The following TMEM135 variants were observed in gnomAD, a reference collection of about 807,000 sequenced individuals.
TMEM135 encodes the protein peroxisomal membrane protein 52.
In TMEM135, 30 loss-of-function variants were observed where a neutral mutation model predicts 60.3. That is an observed-to-expected ratio of 0.50 (90% CI 0.37 to 0.68). TMEM135 has a LOEUF of 0.68. Among genes scored for constraint, TMEM135 ranks in the 30% least tolerant of loss-of-function variants. TMEM135 has a pLI of 0.00. For synonymous variants in TMEM135, 190 were observed against 186.7 expected (o/e 1.02, Z -0.14); for missense variants, 468 against 548.8 (o/e 0.85, Z 1.47).
chr11:87,255,471 ACTCTT>A (rs1941507832), intron 6 of TMEM135, among the ~76,000 whole-genome samples: 2 of 151,976 alleles, frequency 1.3e-5, no homozygotes, highest in Non-Finnish European at 2.9e-5. Flanking sequence ...GCCACAGGTG[ACTCTT>A]AAAGTATCTG....
rs541545232 is a variant in TMEM135, at chr11:87,162,597, C to T, written c.462+5191C>T. 2.0e-5 allele frequency among the ~76,000 whole-genome samples: 3 copies of T among 152,298 alleles called. No homozygotes were observed. In the East Asian group the frequency reaches 5.8e-4, roughly 29 times the overall value. On this transcript the variant is annotated intron_variant, in intron 5 of 14. Transcript: ENST00000305494. ...AGTATTCCATGGTGTGTATGTGCCA[C>T]ATTTTCTTTATCCAGTCTATCACTT...
At chr11:87,247,760 C>T (rs978839638) in intron 6 of TMEM135, among the ~76,000 whole-genome samples, 2 of 152,166 alleles carry the variant, frequency 1.3e-5, no homozygotes, top group African/African-American at 2.4e-5. Flanking sequence ...CCGTCTGTCA[C>T]CCCTTTCTTT....
intron 4 of TMEM135, chr11:87,095,975 CA>C (rs34559693): frequency 0.54 from 70,235 of 130,542 alleles, 17,078 homozygotes; most frequent in East Asian, 0.66. Context: ...GACTCCATCT[CA>C]AAAAAAAAAA....
At chr11:87,092,452 C>G (rs1002979384) in intron 4 of TMEM135, among the ~76,000 whole-genome samples, 2 of 152,090 alleles carry the variant, frequency 1.3e-5, no homozygotes, top group African/African-American at 2.4e-5. Context: ...AGGAATGATA[C>G]CTAAATTTCA....
chr11:87,135,647 A>G (rs1274651403), intron 4 of TMEM135, among the ~76,000 whole-genome samples: 2 of 152,068 alleles, frequency 1.3e-5, no homozygotes, highest in African/African-American at 2.4e-5. Flanking sequence ...CTGTAGGTAT[A>G]TGATAACTGT....
chr11:87,236,744 T>C (rs1488478359), intron 6 of TMEM135, 60 bp downstream of exon 6: 1 of 1,502,608 alleles, frequency 6.7e-7, no homozygotes. Context: ...TGTAATTTCA[T>C]CAACCACGAA....
intron 6 of TMEM135, among the ~76,000 whole-genome samples, chr11:87,243,328 T>A: frequency 6.8e-6 from 1 of 146,688 alleles, no homozygotes; most frequent in South Asian, 2.2e-4. Context: ...ATTGACTTGG[T>A]GATGCAGGCT....
chr11:87,203,032 CAAAAAAAAAAAAAA>C (rs534909524), intron 5 of TMEM135, among the ~76,000 whole-genome samples: 5 of 33,568 alleles, frequency 1.5e-4, no homozygotes, highest in Non-Finnish European at 3.1e-4. Context: ...GACTCCGTCT[CAAAAAAAAAAAAAA>C]AAAAAAAAAA....
chr11:87,327,594 T>A lies in TMEM135; in HGVS notation c.*6261T>A. On this transcript the variant is annotated 3_prime_UTR_variant, in exon 15 of 15. Transcript: ENST00000305494. The stretch of plus-strand genomic sequence containing the variant: ...AGATATGAGAGGGGATTAAGGGAGT[T>A]GGCTCATGTGATTGTGGAGGCTGAG... 2.2e-6 allele frequency: 1 copy of A among 452,762 alleles called. No individual in the cohort carries two copies. Among genetic ancestry groups the A allele is most frequent in the South Asian group, 1.6e-5 (1 of 64,380 alleles). 28.0% of individuals were successfully genotyped at this position (452,762 alleles called of 1,614,324 possible). A position where few individuals can be genotyped will look rare whatever the true frequency, so the allele number is the denominator to read the frequency against.
chr11:87,067,686 C>A lies in TMEM135; in HGVS notation c.142-8C>A. 1 of 1,613,410 alleles carries A rather than the reference C, an allele frequency of 6.2e-7. No homozygotes were observed. The highest frequency in any genetic ancestry group is 1.1e-5 in the South Asian group (1 of 91,046). ...TTGGATTAAACAAAAAATCCTTTCTCTTTCCAGATTGCAGCAATTCTCCGG... is the reference window on the plus strand; with the variant it reads ...TTGGATTAAACAAAAAATCCTTTCTATTTCCAGATTGCAGCAATTCTCCGG... On this transcript the variant is annotated splice_polypyrimidine_tract_variant and splice_region_variant and intron_variant, in intron 1 of 14. Transcript: ENST00000305494.
chr11:87,176,266 C>T (rs1939364556), intron 5 of TMEM135, among the ~76,000 whole-genome samples: 1 of 152,066 alleles, frequency 6.6e-6, no homozygotes, highest in African/African-American at 2.4e-5. Context: ...CCTGGCACCT[C>T]CCTGCCCCTT....
intron 8 of TMEM135, among the ~76,000 whole-genome samples, chr11:87,305,731 G>A (rs766866799): frequency 1.8e-4 from 28 of 151,942 alleles, no homozygotes; most frequent in African/African-American, 2.4e-4. Flanking sequence ...TTGAGATCAC[G>A]CCCATTGTAC....
At chr11:87,256,962 G>A (rs565163519) in intron 6 of TMEM135, among the ~76,000 whole-genome samples, 1 of 151,818 alleles carries the variant, frequency 6.6e-6, no homozygotes, top group Non-Finnish European at 1.5e-5. Context: ...ATGTCTTTCA[G>A]CTTCTCAAAT....
At chr11:87,307,108 T>C (rs1169419052) in intron 9 of TMEM135, among the ~76,000 whole-genome samples, 3 of 152,078 alleles carry the variant, frequency 2.0e-5, no homozygotes, top group Non-Finnish European at 4.4e-5. Context: ...ACTCAGTTGA[T>C]GATGAGAAGA....
rs746010561 is a variant in TMEM135, at chr11:87,038,015, C to G, written c.-31C>G. On this transcript the variant is annotated 5_prime_UTR_variant, in exon 1 of 15. Coordinates refer to ENST00000305494, the MANE Select transcript of TMEM135 (RefSeq NM_022918.4). ...CCTCCCTGCAGGGCTCAGGCTCTCC[C>G]CCTCCTGTCTTCTCCGCGCTGTTCC... 3.1e-6 allele frequency: 5 copies of G among 1,613,048 alleles called. No homozygotes were observed. The highest frequency in any genetic ancestry group is 2.2e-5 in the East Asian group (1 of 44,872).
intron 12 of TMEM135, among the ~76,000 whole-genome samples, chr11:87,316,879 C>CT (rs879583719): frequency 5.6e-4 from 78 of 139,306 alleles, no homozygotes; most frequent in East Asian, 3.7e-3. Context: ...GTGATGCAGA[C>CT]TTTTTTTTTT....
intron 4 of TMEM135, among the ~76,000 whole-genome samples, chr11:87,105,517 C>T (rs1857572511): frequency 6.6e-6 from 1 of 152,136 alleles, no homozygotes; most frequent in Non-Finnish European, 1.5e-5. Flanking sequence ...TTGGGGACCG[C>T]TGGCCTATCA....
intron 3 of TMEM135, among the ~76,000 whole-genome samples, chr11:87,086,825 T>A (rs1223612318): frequency 6.6e-6 from 1 of 152,210 alleles, no homozygotes; most frequent in Non-Finnish European, 1.5e-5. Flanking sequence ...CTTTCAGGCT[T>A]TAAACTATCT....
At chr11:87,222,766 T>C (rs1240294196) in intron 5 of TMEM135, among the ~76,000 whole-genome samples, 1 of 151,420 alleles carries the variant, frequency 6.6e-6, no homozygotes, top group African/African-American at 2.4e-5. Flanking sequence ...GATCATGCCA[T>C]TGCACTCCAG....
Sources: allele counts gnomAD v4.1 joint callset (sites outside exome capture counted in the v4.1 genomes callset), GRCh38; gene constraint gnomAD v4.1.1; transcripts MANE v1.5; gene names NCBI Gene and HGNC (gene_info 2026-07-23, HGNC 2026-07-21).